The following SCLT1 variants were observed in gnomAD, a reference collection of about 807,000 sequenced individuals.
SCLT1 encodes sodium channel and clathrin linker 1, also known as sodium channel-associated protein 1.
SCLT1 carries 78 observed loss-of-function variants against 112.8 expected under a neutral mutation model. That is an observed-to-expected ratio of 0.69 (90% CI 0.58 to 0.83). The LOEUF is 0.83. SCLT1 is among the 40% of genes least tolerant of loss of function. The pLI is 0.00. For missense variants in SCLT1, 747 were observed against 770.4 expected (o/e 0.97, Z 0.36); for synonymous variants, 257 against 254.7 (o/e 1.01, Z -0.09).
At chr4:128,995,435 A>G (rs1021706009) in intron 8 of SCLT1, among the ~76,000 whole-genome samples, 19 of 151,992 alleles carry the variant, frequency 1.3e-4, no homozygotes, top group African/African-American at 4.3e-4. Flanking sequence ...ACTTCTTTTC[A>G]TTAGGATTGG....
At chr4:129,056,182 T>C (rs1276018829) in intron 2 of SCLT1, among the ~76,000 whole-genome samples, 1 of 152,106 alleles carries the variant, frequency 6.6e-6, no homozygotes, top group Non-Finnish European at 1.5e-5. Flanking sequence ...ATCACCCACC[T>C]TCTGCATTGG....
At chr4:128,964,321 T>C (rs1312697695) in intron 11 of SCLT1, among the ~76,000 whole-genome samples, 1 of 152,174 alleles carries the variant, frequency 6.6e-6, no homozygotes, top group African/African-American at 2.4e-5. Context: ...AAAAAGCCAA[T>C]ACTCCTGTTG....
chr4:129,039,390 T>C (rs1036482386), intron 4 of SCLT1: 1 of 261,386 alleles, frequency 3.8e-6, no homozygotes, highest in Admixed American at 5.1e-5. Flanking sequence ...AGATGAAAGA[T>C]ATTCTGGAGT....
At chr4:129,057,967 C>T (rs2125725519) in intron 2 of SCLT1, among the ~76,000 whole-genome samples, 1 of 152,020 alleles carries the variant, frequency 6.6e-6, no homozygotes, top group South Asian at 2.1e-4. Context: ...GGCCAGGCTG[C>T]TCCTGAACTG....
intron 1 of SCLT1, among the ~76,000 whole-genome samples, chr4:129,086,543 G>A (rs972899172): frequency 6.6e-6 from 1 of 152,092 alleles, no homozygotes; most frequent in African/African-American, 2.4e-5. Flanking sequence ...CCTTGACTTT[G>A]TGAAGGCACT....
chr4:129,036,766 G>A (rs1300848207), intron 5 of SCLT1: 1 of 150,982 alleles, frequency 6.6e-6, no homozygotes, highest in Non-Finnish European at 1.5e-5. Context: ...TAATTTTAAG[G>A]AACAGCATGT....
intron 18 of SCLT1, among the ~76,000 whole-genome samples, chr4:128,929,023 G>A (rs1736540023): frequency 6.6e-6 from 1 of 152,130 alleles, no homozygotes; most frequent in Non-Finnish European, 1.5e-5. Context: ...TCTGTGCATT[G>A]CATTGGAAGT....
At chr4:129,036,919 A>G (rs1413404841) in intron 5 of SCLT1, 1 of 151,948 alleles carries the variant, frequency 6.6e-6, no homozygotes, top group African/African-American at 2.4e-5. Context: ...GAACTCAAAA[A>G]ATTTTGGATT....
At chr4:129,042,121 C>T (rs902766630) in intron 4 of SCLT1, among the ~76,000 whole-genome samples, 7 of 152,152 alleles carry the variant, frequency 4.6e-5, no homozygotes, top group African/African-American at 1.2e-4. Context: ...ACCCTTGCTA[C>T]AACTGCATTT....
At chr4:128,985,929 G>A (rs1171448479) in intron 9 of SCLT1, among the ~76,000 whole-genome samples, 1 of 152,038 alleles carries the variant, frequency 6.6e-6, no homozygotes, top group Non-Finnish European at 1.5e-5. Flanking sequence ...AGAGCAAGAT[G>A]GCTGAGTAGA....
At chr4:128,964,981 T>C (rs1001225923) in intron 11 of SCLT1, among the ~76,000 whole-genome samples, 2 of 152,210 alleles carry the variant, frequency 1.3e-5, no homozygotes, top group African/African-American at 4.8e-5. Flanking sequence ...ATTAAATTAA[T>C]GTACTTAGTA....
intron 2 of SCLT1, among the ~76,000 whole-genome samples, chr4:129,052,022 A>G (rs1413174453): frequency 6.6e-6 from 1 of 152,064 alleles, no homozygotes; most frequent in Non-Finnish European, 1.5e-5. Context: ...TATGTGATGG[A>G]TTATGTTTAT....
chr4:128,986,267 T>C (rs1157173224), intron 9 of SCLT1, among the ~76,000 whole-genome samples: 1 of 151,950 alleles, frequency 6.6e-6, no homozygotes, highest in Non-Finnish European at 1.5e-5. Context: ...CCAGCACCCA[T>C]GGAGGGAGCA....
chr4:129,082,455 G>A lies in SCLT1; in HGVS notation c.35-82C>T, dbSNP rs993972064. 61 of 766,462 alleles carry A rather than the reference G, an allele frequency of 8.0e-5. No homozygotes were observed. The African/African-American group carries it at 8.6e-4, about 11-fold the overall frequency. 47.5% of individuals were successfully genotyped at this position (766,462 alleles called of 1,614,324 possible). On this transcript the variant is annotated intron_variant, in intron 1 of 20. Transcript: ENST00000281142. ...ACTAGAAATACAGTAATTATTTGAT[G>A]TATCCCATGCAAAACGGCTAGTCTT...
intron 2 of SCLT1, among the ~76,000 whole-genome samples, chr4:129,052,093 A>G (rs1316345686): frequency 6.6e-6 from 1 of 152,094 alleles, no homozygotes; most frequent in Admixed American, 6.6e-5. Context: ...GATGGTAGAT[A>G]AACTTTTTGA....
intron 5 of SCLT1, among the ~76,000 whole-genome samples, chr4:129,007,557 C>G (rs992362974): frequency 6.6e-6 from 1 of 152,146 alleles, no homozygotes; most frequent in African/African-American, 2.4e-5. Context: ...AGCATGTTTT[C>G]AGTTAGCACT....
chr4:129,035,297 G>C (rs1747085295), intron 5 of SCLT1, among the ~76,000 whole-genome samples: 1 of 152,150 alleles, frequency 6.6e-6, no homozygotes, highest in Non-Finnish European at 1.5e-5. Flanking sequence ...AGGAAAAGGG[G>C]AAGGCTTTCT....
intron 18 of SCLT1, among the ~76,000 whole-genome samples, chr4:128,892,727 T>C (rs1050968001): frequency 2.6e-5 from 4 of 152,202 alleles, no homozygotes; most frequent in Admixed American, 6.5e-5. Flanking sequence ...AACATAATTG[T>C]TGTCATCACA....
intron 18 of SCLT1, among the ~76,000 whole-genome samples, chr4:128,900,296 C>G (rs372654735): frequency 4.6e-5 from 7 of 152,158 alleles, no homozygotes; most frequent in Non-Finnish European, 8.8e-5. Context: ...GCTACAGTAA[C>G]CAAAACAGCA....
Sources: allele counts gnomAD v4.1 joint callset (sites outside exome capture counted in the v4.1 genomes callset), GRCh38; gene constraint gnomAD v4.1.1; transcripts MANE v1.5; gene names NCBI Gene and HGNC (gene_info 2026-07-23, HGNC 2026-07-21).